The following C19orf38 variants were observed in gnomAD, a reference collection of about 807,000 sequenced individuals.
The protein encoded by C19orf38 is protein HIDE1.
Under a neutral mutation model 26.6 loss-of-function variants are expected in C19orf38, and 14 were observed. The ratio of observed to expected loss-of-function variants is 0.53; its 90% confidence interval spans 0.35 to 0.82. C19orf38 has a LOEUF of 0.82. Among genes scored for constraint, C19orf38 ranks in the 40% least tolerant of loss-of-function variants. The pLI, the probability that C19orf38 is intolerant of heterozygous loss-of-function variation, is 0.01. For missense variants in C19orf38, 261 were observed against 299.5 expected (o/e 0.87, Z 0.95); for synonymous variants, 132 against 128.5 (o/e 1.03, Z -0.18).
intron 3 of C19orf38, among the ~76,000 whole-genome samples, chr19:10,857,741 C>T (rs1465657601): frequency 4.7e-5 from 7 of 150,488 alleles, no homozygotes; most frequent in Admixed American, 2.7e-4. Context: ...ATTAGCCGGG[C>T]GTGGTGGTGT....
upstream of C19orf38, among the ~76,000 whole-genome samples, chr19:10,846,416 G>A (rs573036596): frequency 6.6e-6 from 1 of 151,832 alleles, no homozygotes; most frequent in Admixed American, 6.6e-5. Flanking sequence ...TCCATCTTAA[G>A]AAGCTATTAA....
intron 3 of C19orf38, 80 bp from the exon 4 acceptor site, chr19:10,858,236 A>AG (rs2073651185): frequency 8.6e-7 from 1 of 1,162,238 alleles, no homozygotes; most frequent in African/African-American, 1.6e-5. Flanking sequence ...TAAAAAAAAA[A>AG]AAAAAAAAAA....
chr19:10,863,089 G>A (rs1250020532), intron 5 of C19orf38, 81 bp from the exon 6 acceptor site: 1 of 1,423,182 alleles, frequency 7.0e-7, no homozygotes, highest in East Asian at 2.5e-5. Flanking sequence ...CTGTGGGCTG[G>A]GGGGCAGTGC....
chr19:10,857,145 C>T (rs1197361716), intron 3 of C19orf38, among the ~76,000 whole-genome samples: 1 of 150,720 alleles, frequency 6.6e-6, no homozygotes, highest in Admixed American at 6.6e-5. Context: ...CTATATTGCC[C>T]AGGCTGGTCT....
upstream of C19orf38, among the ~76,000 whole-genome samples, chr19:10,847,811 T>C (rs1361160897): frequency 6.6e-6 from 1 of 152,198 alleles, no homozygotes; most frequent in Non-Finnish European, 1.5e-5. Context: ...ATGTTGGTGC[T>C]GGTTAGGCTA....
At chr19:10,856,165 T>C in intron 2 of C19orf38, 100 bp from the exon 3 acceptor site, 1 of 886,708 alleles carries the variant, frequency 1.1e-6, no homozygotes, top group Non-Finnish European at 1.8e-6. Flanking sequence ...GCTGCATTCA[T>C]GTTCTTTGGT....
At chr19:10,862,018 C>T (rs2073703298) in intron 5 of C19orf38, among the ~76,000 whole-genome samples, 1 of 152,096 alleles carries the variant, frequency 6.6e-6, no homozygotes, top group Non-Finnish European at 1.5e-5. Context: ...CCTGCCTCAG[C>T]CTCCTGAGTA....
chr19:10,858,615 C>G (rs2073656649), intron 4 of C19orf38, among the ~76,000 whole-genome samples: 1 of 152,198 alleles, frequency 6.6e-6, no homozygotes, highest in South Asian at 2.1e-4. Flanking sequence ...GCTCAGCACT[C>G]AGTCACAGAG....
chr19:10,867,368 G>C (rs1002793812), intron 6 of C19orf38, among the ~76,000 whole-genome samples: 9 of 150,278 alleles, frequency 6.0e-5, no homozygotes, highest in Non-Finnish European at 1.2e-4. Flanking sequence ...ACTTTGGGAG[G>C]CCAAGGCGGG....
At chr19:10,844,771 C>A (rs1287386610), upstream of C19orf38, among the ~76,000 whole-genome samples, 2 of 151,348 alleles carry the variant, frequency 1.3e-5, no homozygotes, top group African/African-American at 4.9e-5. Context: ...TGGCGTGAAC[C>A]CAGGAGGTGG....
At chr19:10,852,129 G>A (rs2073579296) in intron 2 of C19orf38, among the ~76,000 whole-genome samples, 1 of 151,834 alleles carries the variant, frequency 6.6e-6, no homozygotes, top group South Asian at 2.1e-4. Context: ...TCCAGCATGG[G>A]TGACAGAGCA....
rs1275370026 is a variant in C19orf38 at position 10,850,261 on chromosome 19, T to A, written c.34T>A (p.Ser12Thr). Residue 12 changes from serine (S) to threonine (T), a missense_variant and splice_region_variant, in exon 2 of 7, where the codon TCC becomes ACC. Physicochemically the swap from Ser to Thr is moderately conservative, Grantham distance 58. Coordinates refer to ENST00000397820, the MANE Select transcript of C19orf38 (RefSeq NM_001136482.3). ...PWTILLFAAG[S>T]LAIPAPSIRL... Reference sequence around the variant, plus strand: ...CCACCTTACCCTCTGCATTGCAGGCTCCTTGGCGATCCCAGCACCATCCAT... The same window carrying A: ...CCACCTTACCCTCTGCATTGCAGGCACCTTGGCGATCCCAGCACCATCCAT... 6.5e-7 allele frequency: 1 copy of A among 1,549,402 alleles called. No homozygotes were observed. Among genetic ancestry groups the A allele is most frequent in the Non-Finnish European group, 8.7e-7 (1 of 1,146,766 alleles).
chr19:10,844,865 AT>A (rs1015785217), upstream of C19orf38, among the ~76,000 whole-genome samples: 4 of 146,564 alleles, frequency 2.7e-5, no homozygotes, highest in Non-Finnish European at 3.0e-5. Context: ...AAAAAAAAAA[AT>A]GAAGGAGGCT....
In C19orf38 at chr19:10,863,151, C is replaced by G; in HGVS notation, c.506-19C>G. ...CAACTGGCCCCCAATCCTGGGTTTT[C>G]TTTCTCTTTCTGTTTCAGACATGTC... On this transcript the variant is annotated intron_variant, in intron 5 of 6. Transcript: ENST00000397820. 6.4e-7 allele frequency: 1 copy of G among 1,550,812 alleles called. No homozygotes were observed.
chr19:10,865,303 C>G (rs1247486066), intron 6 of C19orf38, among the ~76,000 whole-genome samples: 2 of 151,948 alleles, frequency 1.3e-5, no homozygotes, highest in African/African-American at 4.8e-5. Flanking sequence ...CCTGCCATCG[C>G]GCCCGGCTAA....
At position 10,853,315 on chromosome 19, in the gene C19orf38, A is replaced by G. The variant is rs199530166; in HGVS notation, c.340+2748A>G. Among the ~76,000 whole-genome samples, 34 of 148,882 alleles carry G rather than the reference A, an allele frequency of 2.3e-4. 1 individual carries two copies. The highest frequency in any genetic ancestry group is 2.2e-3 in the Admixed American group (33 of 14,928). On this transcript the variant is annotated intron_variant, in intron 2 of 6. Coordinates refer to ENST00000397820, the MANE Select transcript of C19orf38 (RefSeq NM_001136482.3). ...GTGACCCCAGCTCACTGCAATCTCT[A>G]CCTCCGAGGTTCAAGCAATTCTCCT... is the stretch of plus-strand genomic sequence containing the variant.
intron 5 of C19orf38, among the ~76,000 whole-genome samples, 166 bp from the exon 6 acceptor site, chr19:10,863,004 G>A (rs904248744): frequency 3.3e-5 from 5 of 152,090 alleles, no homozygotes; most frequent in African/African-American, 1.2e-4. Context: ...CTTTGTAGCT[G>A]TGAACAGTTC....
rs1304594112 is a variant in C19orf38, at chr19:10,857,362, A to ATT, written c.434-953_434-952insTT. On this transcript the variant is annotated intron_variant, in intron 3 of 6. Transcript: ENST00000397820. ...TACATATATATATATATATATATATATATATTTTTTTTTTTTTTTTTTTAA... is the reference window on the plus strand; with the variant it reads ...TACATATATATATATATATATATATATTTATATTTTTTTTTTTTTTTTTTTAA... Among the ~76,000 whole-genome samples, 1,036 of 81,436 alleles carry ATT rather than the reference A, an allele frequency of 0.013. 37 individuals are homozygous for ATT. In the East Asian group the frequency reaches 0.13, roughly 11 times the overall value. The allele number at this position is 81,436 out of a possible 152,430, so 53.4% of individuals were successfully genotyped here. A position where few individuals can be genotyped will look rare whatever the true frequency, so the allele number is the denominator to read the frequency against.
chr19:10,864,876 G>A (rs971996126), intron 6 of C19orf38, among the ~76,000 whole-genome samples: 5 of 152,170 alleles, frequency 3.3e-5, no homozygotes, highest in African/African-American at 4.8e-5. Flanking sequence ...AACCCATGGC[G>A]CCTGGGAGCA....
Sources: allele counts gnomAD v4.1 joint callset (sites outside exome capture counted in the v4.1 genomes callset), GRCh38; gene constraint gnomAD v4.1.1; transcripts MANE v1.5; gene names NCBI Gene and HGNC (gene_info 2026-07-23, HGNC 2026-07-21).